The following CEP128 variants were observed in gnomAD, a reference collection of about 807,000 sequenced individuals.
CEP128 encodes the protein centrosomal protein 128kDa.
Under a neutral mutation model 156.7 loss-of-function variants are expected in CEP128, and 132 were observed. The ratio of observed to expected loss-of-function variants is 0.84; its 90% CI spans 0.73 to 0.97. CEP128 has a LOEUF of 0.97. CEP128 is among the 50% of genes least tolerant of loss of function. The probability of loss-of-function intolerance (pLI) is 0.00; values close to 1 mark genes in which losing one functional copy is unlikely to be tolerated. For missense variants in CEP128, 1,252 were observed against 1,281.9 expected (o/e 0.98, Z 0.36); for synonymous variants, 469 against 448.9 (o/e 1.04, Z -0.57).
intron 12 of CEP128, among the ~76,000 whole-genome samples, chr14:80,832,102 G>T (rs112758920): frequency 1.2e-3 from 182 of 152,216 alleles, no homozygotes; most frequent in Non-Finnish European, 2.4e-3. Flanking sequence ...CCCTACACAA[G>T]CTCTATTCCC....
At chr14:80,486,837 G>C (rs1305392698), downstream of CEP128, among the ~76,000 whole-genome samples, 1 of 152,088 alleles carries the variant, frequency 6.6e-6, no homozygotes, top group African/African-American at 2.4e-5. Flanking sequence ...GAGAGATTTT[G>C]TCACCACCAG....
intron 14 of CEP128, among the ~76,000 whole-genome samples, chr14:80,785,746 T>C (rs1214960651): frequency 6.6e-6 from 1 of 152,112 alleles, no homozygotes; most frequent in East Asian, 1.9e-4. Flanking sequence ...TGTCCTGAAA[T>C]AGCAACACAC....
intron 14 of CEP128, 115 bp downstream of exon 14, chr14:80,792,645 T>A: frequency 1.3e-6 from 1 of 796,952 alleles, no homozygotes. Context: ...GATTCGTCTA[T>A]CAAGGACATA....
intron 17 of CEP128, among the ~76,000 whole-genome samples, chr14:80,760,419 A>C (rs1899901016): frequency 6.6e-6 from 1 of 152,130 alleles, no homozygotes; most frequent in African/African-American, 2.4e-5. Flanking sequence ...ACACAATTTA[A>C]GATAGAAAAA....
chr14:80,607,992 C>G (rs1264718445), intron 19 of CEP128, among the ~76,000 whole-genome samples: 1 of 152,214 alleles, frequency 6.6e-6, no homozygotes, highest in East Asian at 1.9e-4. Context: ...CTTCAAAGAG[C>G]CTGTCATTAA....
At chr14:80,896,956 A>G (rs1397002256) in intron 7 of CEP128, among the ~76,000 whole-genome samples, 1 of 152,156 alleles carries the variant, frequency 6.6e-6, no homozygotes, top group Non-Finnish European at 1.5e-5. Context: ...TAATATCTTT[A>G]TCTTTCTATT....
chr14:80,812,754 G>A (rs1362955414), intron 13 of CEP128, among the ~76,000 whole-genome samples: 2 of 152,072 alleles, frequency 1.3e-5, no homozygotes, highest in African/African-American at 2.4e-5. Context: ...TAGTAGAGAC[G>A]GGGTTTCACC....
chr14:80,784,180 A>G (rs941702612), intron 15 of CEP128, among the ~76,000 whole-genome samples: 10 of 152,292 alleles, frequency 6.6e-5, no homozygotes, highest in African/African-American at 2.2e-4. Context: ...TATAGCTAGA[A>G]GCAAAACAGA....
chr14:80,535,626 C>A (rs1380867705), intron 21 of CEP128, among the ~76,000 whole-genome samples: 1 of 150,998 alleles, frequency 6.6e-6, no homozygotes, highest in Non-Finnish European at 1.5e-5. Flanking sequence ...CACACACACA[C>A]ACACACATGG....
intron 19 of CEP128, among the ~76,000 whole-genome samples, chr14:80,653,436 T>C (rs1479248741): frequency 2.0e-5 from 3 of 152,168 alleles, no homozygotes; most frequent in East Asian, 3.9e-4. Flanking sequence ...CAAGTACCAA[T>C]TGAGAATCTG....
chr14:80,717,883 T>C (rs1006925356), intron 19 of CEP128, among the ~76,000 whole-genome samples: 4 of 152,298 alleles, frequency 2.6e-5, no homozygotes, highest in Admixed American at 2.0e-4. Flanking sequence ...GGCACAATCA[T>C]GGCTCACTGC....
At chr14:80,678,196 T>C (rs1020740042) in intron 19 of CEP128, among the ~76,000 whole-genome samples, 1 of 151,804 alleles carries the variant, frequency 6.6e-6, no homozygotes, top group African/African-American at 2.4e-5. Context: ...GAACCACATG[T>C]ATACAGTAGA....
chr14:80,822,433 AGT>A (rs930972268), intron 13 of CEP128: 1 of 469,704 alleles, frequency 2.1e-6, no homozygotes, highest in Non-Finnish European at 4.1e-6. Flanking sequence ...AAATGGGAGC[AGT>A]GTGAAGAAGA....
chr14:80,642,138 A>G (rs1030351130), intron 19 of CEP128, among the ~76,000 whole-genome samples: 3 of 151,738 alleles, frequency 2.0e-5, no homozygotes, highest in African/African-American at 7.3e-5. Flanking sequence ...CATAAGCTAC[A>G]AACTGCTGTG....
At chr14:80,794,599 G>A (rs1165195110) in intron 13 of CEP128, among the ~76,000 whole-genome samples, 1 of 152,130 alleles carries the variant, frequency 6.6e-6, no homozygotes, top group Non-Finnish European at 1.5e-5. Context: ...GATCAAAAGA[G>A]AAATGGAACT....
chr14:80,629,623 C>T (rs1202295081), intron 19 of CEP128, among the ~76,000 whole-genome samples: 1 of 151,618 alleles, frequency 6.6e-6, no homozygotes, highest in Non-Finnish European at 1.5e-5. Flanking sequence ...AAAGTAAAGC[C>T]TTTTTAAATG....
At chr14:80,490,941 G>A (rs1244464327) in intron 6 of CEP128, among the ~76,000 whole-genome samples, 1 of 152,122 alleles carries the variant, frequency 6.6e-6, no homozygotes, top group Non-Finnish European at 1.5e-5. Flanking sequence ...CATCACCAAA[G>A]TTTCTGAATG....
chr14:80,712,647 A>G (rs2139418949), intron 19 of CEP128, among the ~76,000 whole-genome samples: 1 of 152,216 alleles, frequency 6.6e-6, no homozygotes, highest in East Asian at 1.9e-4. Context: ...AGACCCAGCT[A>G]TTTATTCCAT....
At chr14:80,777,766 C>G (rs760480059) in intron 16 of CEP128, 116 bp downstream of exon 16, 29 of 777,490 alleles carry the variant, frequency 3.7e-5, no homozygotes, top group Non-Finnish European at 5.7e-5. Context: ...TGGGGGGCAC[C>G]AATACAACTT....
Sources: gnomAD v4.1 joint callset for allele counts (sites outside exome capture counted in the v4.1 genomes callset) on GRCh38, gnomAD v4.1.1 for gene constraint, MANE v1.5 for transcripts, NCBI Gene and HGNC (gene_info 2026-07-23, HGNC 2026-07-21) for gene names.